Variants in SCUBE1 observed in about 807,000 individuals in gnomAD.
The protein encoded by SCUBE1 is signal peptide, CUB domain and EGF like domain containing 1, also known as signal peptide, CUB and EGF-like domain-containing protein 1.
SCUBE1 carries 59 observed loss-of-function variants against 124.4 expected under a neutral mutation model. That is an observed-to-expected ratio of 0.47 (90% confidence interval 0.38 to 0.59). The LOEUF (loss-of-function observed/expected upper bound fraction) is 0.59, where lower values mean the gene tolerates loss of function less well. Among genes scored for constraint, SCUBE1 ranks in the 20% least tolerant of loss-of-function variants. SCUBE1 has a pLI of 0.00. For synonymous variants in SCUBE1, 545 were observed against 550.9 expected, an observed-to-expected ratio of 0.99 and a Z score of 0.15; for missense variants, 1,150 against 1,371.2, an observed-to-expected ratio of 0.84 and a Z score of 2.55.
At chr22:43,215,045 C>G (rs575671108) in intron 15 of SCUBE1, among the ~76,000 whole-genome samples, 1 of 152,094 alleles carries the variant, frequency 6.6e-6, no homozygotes, top group Non-Finnish European at 1.5e-5. Context: ...CAGTTCTGTC[C>G]GATGAGAGGG....
intron 2 of SCUBE1, among the ~76,000 whole-genome samples, chr22:43,336,833 C>T (rs1274421005): frequency 6.6e-6 from 1 of 152,136 alleles, no homozygotes; most frequent in African/African-American, 2.4e-5. Context: ...AATGATTAGC[C>T]TTCAGATTTA....
intron 2 of SCUBE1, among the ~76,000 whole-genome samples, chr22:43,333,336 C>T (rs537981178): frequency 2.0e-5 from 3 of 152,326 alleles, no homozygotes; most frequent in African/African-American, 7.2e-5. Flanking sequence ...TTAGGCTGAC[C>T]GCAGGGGGCC....
At chr22:43,280,453 T>TC (rs1924737621) in intron 4 of SCUBE1, among the ~76,000 whole-genome samples, 1 of 87,290 alleles carries the variant, frequency 1.1e-5, no homozygotes, top group African/African-American at 6.1e-5. Flanking sequence ...CCCTGTCCCT[T>TC]CCCCTCACCC....
chr22:43,218,350 GAGACCTGGACAT>G lies in SCUBE1; in HGVS notation c.1784_1795del (p.Tyr595_Val598del). 6.2e-7 allele frequency: 1 copy of G among 1,613,512 alleles called. No homozygotes were observed. The highest frequency in any genetic ancestry group is 8.5e-7 in the Non-Finnish European group (1 of 1,180,046). On this transcript the variant is annotated inframe_deletion, in exon 15 of 22. Coordinates refer to ENST00000360835, the MANE Select transcript of SCUBE1 (RefSeq NM_173050.5). ...CTGGGCTACCTCGTACTCAGTGCCT[GAGACCTGGACAT>G]AGAACTGCTGCCGGCCGATGGACTT...
chr22:43,294,512 C>G (rs190650331), intron 3 of SCUBE1, among the ~76,000 whole-genome samples: 1 of 152,198 alleles, frequency 6.6e-6, no homozygotes, highest in Non-Finnish European at 1.5e-5. Context: ...CAGCACACAC[C>G]GCCCCATGGT....
Position 43,211,080 on chromosome 22 carries a change from T to C in SCUBE1, c.2225A>G (p.His742Arg). 6.2e-7 allele frequency: 1 copy of C among 1,609,096 alleles called. No individual in the cohort carries two copies. Among genetic ancestry groups the C allele is most frequent in the Non-Finnish European group, 8.5e-7 (1 of 1,177,664 alleles). ...GTTGTAGTGGTGGCCGGGGGAGCAG[T>C]GCACTGCCGGGGGACACAAGGCAGT... ...TSFQDCEAKVHCSPGHHYNTT... is the reference protein window; with the variant it reads ...TSFQDCEAKVRCSPGHHYNTT... Residue 742 changes from histidine to arginine, a missense_variant, in exon 18 of 22, where the codon CAC (histidine) becomes CGC (arginine). Transcript: ENST00000360835. The surrounding 1 kb of genome is among the most constrained non-coding windows in gnomAD (Gnocchi z 4.5).
intron 3 of SCUBE1, among the ~76,000 whole-genome samples, chr22:43,314,351 A>G (rs1926269462): frequency 6.6e-6 from 1 of 152,164 alleles, no homozygotes; most frequent in Admixed American, 6.5e-5. Context: ...CCCCCTCTGA[A>G]GCAGGCAGCT....
intron 1 of SCUBE1, among the ~76,000 whole-genome samples, chr22:43,342,150 C>G (rs967712095): frequency 8.6e-5 from 13 of 151,390 alleles, no homozygotes; most frequent in African/African-American, 2.2e-4. Flanking sequence ...CCTGCCTCCC[C>G]CTCCAAGCAG....
At chr22:43,327,544 T>C (rs1926767406) in intron 2 of SCUBE1, among the ~76,000 whole-genome samples, 1 of 152,116 alleles carries the variant, frequency 6.6e-6, no homozygotes, top group Non-Finnish European at 1.5e-5. Context: ...CCCAGCACTT[T>C]GGGAGGCTGA....
At chr22:43,290,909 CA>C in intron 4 of SCUBE1, 136 bp downstream of exon 4, 1 of 940,172 alleles carries the variant, frequency 1.1e-6, no homozygotes, top group Non-Finnish European at 1.5e-6. Flanking sequence ...ACCAGACGTG[CA>C]AAACAGTCAT....
At chr22:43,294,511 C>T (rs1925486435) in intron 3 of SCUBE1, among the ~76,000 whole-genome samples, 1 of 152,204 alleles carries the variant, frequency 6.6e-6, no homozygotes, top group Admixed American at 6.5e-5. Context: ...CCAGCACACA[C>T]CGCCCCATGG....
At chr22:43,307,717 C>T (rs1025438778) in intron 3 of SCUBE1, among the ~76,000 whole-genome samples, 2 of 152,180 alleles carry the variant, frequency 1.3e-5, no homozygotes, top group Non-Finnish European at 1.5e-5. Context: ...TCAGCCACAG[C>T]GTGAGGCCCC....
At chr22:43,259,334 C>T (rs1329861384) in intron 5 of SCUBE1, among the ~76,000 whole-genome samples, 1 of 152,166 alleles carries the variant, frequency 6.6e-6, no homozygotes, top group Non-Finnish European at 1.5e-5. Context: ...AACCATCTGT[C>T]CAGAATTCAA....
rs1357578204 is a variant in SCUBE1 at position 43,198,346 on chromosome 22, G to A, written c.*5651C>T. 5.5e-6 allele frequency: 2 copies of A among 360,788 alleles called. No individual in the cohort carries two copies. The highest frequency in any genetic ancestry group is 1.1e-5 in the Non-Finnish European group (2 of 181,510). 22.3% of individuals were successfully genotyped at this position (360,788 alleles called of 1,614,324 possible). ...CCTTGAGGCCATCGCAGCAGATGCT[G>A]GGAGGGCACGCAGGCCATGCCTGTG... On this transcript the variant is annotated 3_prime_UTR_variant, in exon 22 of 22. Coordinates refer to ENST00000360835, the MANE Select transcript of SCUBE1 (RefSeq NM_173050.5).
At chr22:43,279,447 G>A (rs139982864) in intron 4 of SCUBE1, among the ~76,000 whole-genome samples, 27 of 152,314 alleles carry the variant, frequency 1.8e-4, no homozygotes, top group African/African-American at 6.5e-4. Flanking sequence ...CATGTGCTAC[G>A]GTCTGCATGA....
intron 6 of SCUBE1, 199 bp from the exon 7 acceptor site, chr22:43,239,153 G>A (rs1922895392): frequency 1.7e-6 from 1 of 597,586 alleles, no homozygotes; most frequent in Non-Finnish European, 3.0e-6. Flanking sequence ...TGAAATGGGG[G>A]AATGACACCA....
rs181317787 is a variant in SCUBE1 at position 43,289,394 on chromosome 22, G to A, written c.484+1652C>T. Among the ~76,000 whole-genome samples, 385 of 152,346 alleles carry A rather than the reference G, an allele frequency of 2.5e-3. 1 individual carries two copies. The highest frequency in any genetic ancestry group is 8.2e-3 in the African/African-American group (339 of 41,572). ...CCTGATGCCCGGGAGCCACCTGGGT[G>A]GAGTGTGGACAATGTGACAGCAGCA... On this transcript the variant is annotated intron_variant, in intron 4 of 21. Coordinates refer to ENST00000360835, the MANE Select transcript of SCUBE1 (RefSeq NM_173050.5).
chr22:43,214,106 G>A lies in SCUBE1; in HGVS notation c.2037C>T (p.Asn679=), dbSNP rs142533193. 7.8e-5 allele frequency: 107 copies of A among 1,369,296 alleles called. 1 individual carries two copies. In the African/African-American group the frequency reaches 1.4e-3, roughly 19 times the overall value. 84.8% of individuals were successfully genotyped at this position (1,369,296 alleles called of 1,614,324 possible). ...CGCACTTGCCTCCACATTCCGACAC[G>A]TTGCGGGCACCAGGCAGACCAAGCC... is the stretch of plus-strand genomic sequence containing the variant. The part of the protein sequence containing the change: ...SDGLGLPGAR[N]VSECGGQCSP... The change falls in exon 16 of 22, where the codon AAC becomes AAT. Residue 679 remains asparagine, a synonymous_variant. Transcript: ENST00000360835.
At position 43,202,720 on chromosome 22, in the gene SCUBE1, A is replaced by C. The variant is rs1479020933; in HGVS notation, c.*1277T>G. 1 of 152,226 alleles carries C rather than the reference A, an allele frequency of 6.6e-6. No individual in the cohort carries two copies. Among genetic ancestry groups the C allele is most frequent in the Non-Finnish European group, 1.5e-5 (1 of 68,066 alleles). 9.4% of individuals were successfully genotyped at this position (152,226 alleles called of 1,614,324 possible). The stretch of plus-strand genomic sequence containing the variant: ...CCCAAGCCATGTGGAAATGTGAGTC[A>C]ATTCAACCTCTTTCCTTTATAGGAA... On this transcript the variant is annotated 3_prime_UTR_variant, in exon 22 of 22. Coordinates refer to ENST00000360835, the MANE Select transcript of SCUBE1 (RefSeq NM_173050.5).
Sources: gnomAD v4.1 joint callset for allele counts (sites outside exome capture counted in the v4.1 genomes callset) on GRCh38, gnomAD v4.1.1 for gene constraint, Gnocchi (gnomAD v3.1) non-coding constraint, MANE v1.5 for transcripts, NCBI Gene and HGNC (gene_info 2026-07-23, HGNC 2026-07-21) for gene names.